The following TNIK variants were observed in gnomAD, a reference collection of about 807,000 sequenced individuals.
The protein encoded by TNIK is TRAF2 and NCK interacting kinase, also known as TRAF2 and NCK-interacting protein kinase.
TNIK carries 49 observed loss-of-function variants against 191.3 expected under a neutral mutation model. The observed-to-expected ratio is 0.26, with a 90% CI of 0.20 to 0.32. The LOEUF (loss-of-function observed/expected upper bound fraction) is 0.32, where lower values mean the gene tolerates loss of function less well. Ranked by LOEUF, TNIK falls within the 10% of genes least tolerant of loss-of-function variation. The probability of loss-of-function intolerance (pLI) is 1.00; values close to 1 mark genes in which losing one functional copy is unlikely to be tolerated. For synonymous variants in TNIK, 594 were observed against 600.9 expected (o/e 0.99, Z 0.17); for missense variants, 1,155 against 1,702.3 (o/e 0.68, Z 5.66).
At chr3:171,450,471 G>A (rs1373670868) in intron 1 of TNIK, among the ~76,000 whole-genome samples, 2 of 152,104 alleles carry the variant, frequency 1.3e-5, no homozygotes, top group East Asian at 1.9e-4. Context: ...GTGGTATAAC[G>A]GGACCCAGCA....
intron 2 of TNIK, among the ~76,000 whole-genome samples, chr3:171,358,358 G>C (rs1469871626): frequency 6.6e-6 from 1 of 152,168 alleles, no homozygotes. Flanking sequence ...TGAATGAGGA[G>C]CGAAGTCACA....
At chr3:171,160,755 A>G (rs933945311) in intron 11 of TNIK, among the ~76,000 whole-genome samples, 5 of 152,082 alleles carry the variant, frequency 3.3e-5, no homozygotes, top group African/African-American at 9.7e-5. Context: ...GCCCAAAAGT[A>G]TTTGTTTGGA....
At chr3:171,230,905 A>G (rs1052143005) in intron 2 of TNIK, among the ~76,000 whole-genome samples, 1 of 151,722 alleles carries the variant, frequency 6.6e-6, no homozygotes, top group African/African-American at 2.4e-5. Context: ...CCTTAAGTGA[A>G]CTCCCTTGGT....
At chr3:171,173,765 G>A (rs1427578371) in intron 9 of TNIK, among the ~76,000 whole-genome samples, 1 of 152,118 alleles carries the variant, frequency 6.6e-6, no homozygotes, top group Non-Finnish European at 1.5e-5. Context: ...GGAGAAGATA[G>A]GGCAGGGAAC....
rs150998027 is a variant in TNIK, at chr3:171,176,782, C to T, written c.694+544G>A. The stretch of plus-strand genomic sequence containing the variant: ...TATGGAAGTCTGTGAGGCACAGTCT[C>T]ATGACAGAGACTCTCTGCTGGGGCC... On this transcript the variant is annotated intron_variant, in intron 8 of 32. Transcript: ENST00000436636. 3.3e-3 allele frequency among the ~76,000 whole-genome samples: 508 copies of T among 152,310 alleles called. 3 individuals carry two copies. The highest frequency in any genetic ancestry group is 0.011 in the African/African-American group (477 of 41,574).
intron 2 of TNIK, among the ~76,000 whole-genome samples, chr3:171,252,106 C>T (rs1425868190): frequency 6.6e-6 from 1 of 151,786 alleles, no homozygotes; most frequent in Non-Finnish European, 1.5e-5. Flanking sequence ...TATCTCTTTA[C>T]TTAACAGCCA....
intron 11 of TNIK, 21 bp downstream of exon 11, chr3:171,161,249 A>G: frequency 2.5e-6 from 4 of 1,609,020 alleles, no homozygotes; most frequent in Non-Finnish European, 3.4e-6. Flanking sequence ...ACATTAGAAG[A>G]CTTGGCTTTT....
intron 4 of TNIK, among the ~76,000 whole-genome samples, chr3:171,205,637 C>T (rs937199466): frequency 1.3e-5 from 2 of 152,168 alleles, no homozygotes; most frequent in African/African-American, 4.8e-5. Context: ...TCCTGTTTCT[C>T]TCCTTGACCC....
At chr3:171,316,371 T>C (rs1360059092) in intron 2 of TNIK, among the ~76,000 whole-genome samples, 1 of 152,006 alleles carries the variant, frequency 6.6e-6, no homozygotes, top group Non-Finnish European at 1.5e-5. Flanking sequence ...AAAGAAATAA[T>C]TGATTCTGAT....
At chr3:171,360,798 G>C (rs2422224) in intron 2 of TNIK, among the ~76,000 whole-genome samples, 131,215 of 152,248 alleles carry the variant, frequency 0.86, 56,985 homozygotes, top group Non-Finnish European at 0.92. Flanking sequence ...TTATATGAAG[G>C]CTTTCCTGGT....
Position 171,140,480 on chromosome 3 carries a change from C to T in TNIK, c.1251G>A (p.Lys417=), listed in dbSNP as rs370986269. 1.7e-5 allele frequency: 27 copies of T among 1,613,456 alleles called. No individual in the cohort carries two copies. Among genetic ancestry groups the T allele is most frequent in the Admixed American group, 3.3e-5 (2 of 59,984 alleles). The part of the protein sequence containing the change: ...EQQRREKELR[K]QQEREQRRHY... ...GCCGGCGCTGCTCCCTCTCCTGCTG[C>T]TTCCGCAGCTCCTTCTCTCGCCTTT... The change falls in exon 13 of 33, where the codon AAG becomes AAA. Residue 417 remains lysine, a synonymous_variant. Transcript: ENST00000436636.
chr3:171,063,070 C>T lies in TNIK; in HGVS notation c.*811G>A, dbSNP rs966513290. ...GAGGGAAAGTTGTGTTAGAGTGTCC[C>T]TCCATCGCTAGGCCAGCTCAACTCA... is the stretch of plus-strand genomic sequence containing the variant. On this transcript the variant is annotated 3_prime_UTR_variant, in exon 33 of 33. Transcript: ENST00000436636. 1.2e-4 allele frequency: 19 copies of T among 152,170 alleles called. No homozygotes were observed. The highest frequency in any genetic ancestry group is 4.6e-4 in the African/African-American group (19 of 41,418). 9.4% of individuals were successfully genotyped at this position (152,170 alleles called of 1,614,324 possible). A position where few individuals can be genotyped will look rare whatever the true frequency, so the allele number is the denominator to read the frequency against.
chr3:171,076,208 C>T (rs1325130844), intron 28 of TNIK, among the ~76,000 whole-genome samples: 1 of 151,968 alleles, frequency 6.6e-6, no homozygotes, highest in Non-Finnish European at 1.5e-5. Flanking sequence ...ACTAGCCAGC[C>T]CCAACACTTC....
At chr3:171,324,738 C>T (rs1336035559) in intron 2 of TNIK, among the ~76,000 whole-genome samples, 2 of 152,098 alleles carry the variant, frequency 1.3e-5, no homozygotes, top group African/African-American at 4.8e-5. Flanking sequence ...CCACACATAT[C>T]CAAATATCAT....
In TNIK at chr3:171,380,751, T is replaced by C. The variant is rs557069346; in HGVS notation, c.58-11066A>G. On this transcript the variant is annotated intron_variant, in intron 1 of 32. Transcript: ENST00000436636. ...TGATGAGGGCAAGAGTTGTGCACAC[T>C]GAAAGGGGCAGGGTTAATGCCTTTC... Among the ~76,000 whole-genome samples, 9 of 152,374 alleles carry C rather than the reference T, an allele frequency of 5.9e-5. No homozygotes were observed. In the East Asian group the frequency reaches 1.7e-3, roughly 29 times the overall value.
intron 2 of TNIK, among the ~76,000 whole-genome samples, chr3:171,358,325 A>C (rs1309463263): frequency 6.6e-6 from 1 of 152,204 alleles, no homozygotes; most frequent in Non-Finnish European, 1.5e-5. Flanking sequence ...TGGCCGGGGA[A>C]GCCTCACAGT....
In TNIK at chr3:171,405,508, T is replaced by TAAAAAAA. The variant is rs10635709; in HGVS notation, c.58-35830_58-35824dup. Among the ~76,000 whole-genome samples the TAAAAAAA allele has an allele frequency of 7.8e-4, 113 of 144,406 alleles. 1 individual carries two copies. Among genetic ancestry groups the TAAAAAAA allele is most frequent in the Middle Eastern group, 3.5e-3 (1 of 284 alleles). The allele number at this position is 144,406 out of a possible 152,430, so 94.7% of individuals were successfully genotyped here. ...GACAACTCTCAATCACCAAATCTGG[T>TAAAAAAA]AAAAAAAAAAAAATCACAACAAAAA... On this transcript the variant is annotated intron_variant, in intron 1 of 32. Coordinates refer to ENST00000436636, the MANE Select transcript of TNIK (RefSeq NM_015028.4).
At chr3:171,323,900 C>A (rs1755455995) in intron 2 of TNIK, among the ~76,000 whole-genome samples, 1 of 152,052 alleles carries the variant, frequency 6.6e-6, no homozygotes, top group South Asian at 2.1e-4. Context: ...TGCTTGGTAC[C>A]ATCAATAGAT....
chr3:171,315,706 A>G (rs1432504925), intron 2 of TNIK, among the ~76,000 whole-genome samples: 1 of 151,996 alleles, frequency 6.6e-6, no homozygotes, highest in East Asian at 1.9e-4. Context: ...ACATTTCTTG[A>G]CATTCCCTGG....
Sources: allele counts gnomAD v4.1 joint callset (sites outside exome capture counted in the v4.1 genomes callset), GRCh38; gene constraint gnomAD v4.1.1; transcripts MANE v1.5; gene names NCBI Gene and HGNC (gene_info 2026-07-23, HGNC 2026-07-21).